The following SPRED1 variants were observed in gnomAD, a reference collection of about 807,000 sequenced individuals.
SPRED1 encodes the protein sprouty-related, EVH1 domain-containing protein 1.
In SPRED1, 18 loss-of-function variants were observed where a neutral mutation model predicts 52.3. The observed-to-expected ratio is 0.34, with a 90% confidence interval of 0.24 to 0.51. SPRED1 has a LOEUF of 0.51. Among genes scored for constraint, SPRED1 ranks in the 20% least tolerant of loss-of-function variants. SPRED1 has a pLI of 0.97. For missense variants in SPRED1, 485 were observed against 551.0 expected, an observed-to-expected ratio of 0.88 and a Z score of 1.20; for synonymous variants, 155 against 179.7, an observed-to-expected ratio of 0.86 and a Z score of 1.10.
intron 2 of SPRED1, among the ~76,000 whole-genome samples, chr15:38,309,146 T>A (rs1037112047): frequency 1.3e-5 from 2 of 152,176 alleles, no homozygotes; most frequent in African/African-American, 4.8e-5. Flanking sequence ...CCCATTTTCT[T>A]ATTGGATTGT....
intron 1 of SPRED1, among the ~76,000 whole-genome samples, chr15:38,297,883 G>A (rs1483361534): frequency 6.6e-6 from 1 of 152,150 alleles, no homozygotes; most frequent in Non-Finnish European, 1.5e-5. Flanking sequence ...AAGCCATACA[G>A]ATAGTAAGTT....
Position 38,310,153 on chromosome 15 carries a change from G to T in SPRED1, c.207+10606G>T, listed in dbSNP as rs12324228. 5.9e-3 allele frequency among the ~76,000 whole-genome samples: 782 copies of T among 132,204 alleles called. 13 individuals are homozygous for T. The highest frequency in any genetic ancestry group is 9.6e-3 in the Admixed American group (122 of 12,766). The allele number at this position is 132,204 out of a possible 152,430, so 86.7% of individuals were successfully genotyped here. On this transcript the variant is annotated intron_variant, in intron 2 of 6. Coordinates refer to ENST00000299084, the MANE Select transcript of SPRED1 (RefSeq NM_152594.3). ...TGTGTGTGTGTGTGTGTGTGTGTGTGTTTGGAGACGAAGTTTCGCTCTTGT... is the reference window on the plus strand; with the variant it reads ...TGTGTGTGTGTGTGTGTGTGTGTGTTTTTGGAGACGAAGTTTCGCTCTTGT...
intron 1 of SPRED1, among the ~76,000 whole-genome samples, chr15:38,283,734 C>T (rs1304110191): frequency 2.0e-5 from 3 of 152,030 alleles, no homozygotes; most frequent in Non-Finnish European, 2.9e-5. Context: ...TGATCTTGTG[C>T]GAATCACTTA....
In SPRED1 at chr15:38,351,900, G is replaced by T; in HGVS notation, c.*236G>T. The T allele has an allele frequency of 3.4e-6, 2 of 587,396 alleles. No individual in the cohort carries two copies. Among genetic ancestry groups the T allele is most frequent in the Non-Finnish European group, 6.0e-6 (2 of 333,782 alleles). 36.4% of individuals were successfully genotyped at this position (587,396 alleles called of 1,614,324 possible). A position where few individuals can be genotyped will look rare whatever the true frequency, so the allele number is the denominator to read the frequency against. On this transcript the variant is annotated 3_prime_UTR_variant, in exon 7 of 7. Transcript: ENST00000299084. The stretch of plus-strand genomic sequence containing the variant: ...TATTTGCAGAAGGAAACCATTTCTG[G>T]TTATTTGGCTATAAAAAGTCAGCAT...
intron 4 of SPRED1, among the ~76,000 whole-genome samples, chr15:38,337,603 TA>T (rs1895947100): frequency 6.6e-6 from 1 of 152,126 alleles, no homozygotes; most frequent in South Asian, 2.1e-4. Flanking sequence ...ATATTTTCTT[TA>T]AAAAAGTATT....
intron 1 of SPRED1, among the ~76,000 whole-genome samples, chr15:38,273,342 C>G (rs941495859): frequency 3.9e-5 from 6 of 151,936 alleles, no homozygotes; most frequent in African/African-American, 1.4e-4. Flanking sequence ...GTCTTGTGAT[C>G]TAAGTAGCTA....
intron 1 of SPRED1, among the ~76,000 whole-genome samples, chr15:38,273,932 G>A (rs773320196): frequency 6.6e-5 from 10 of 152,140 alleles, no homozygotes; most frequent in South Asian, 2.1e-4. Flanking sequence ...GACAAGAAAT[G>A]ACAGACAAGC....
chr15:38,296,887 A>C (rs1338956036), intron 1 of SPRED1, among the ~76,000 whole-genome samples: 1 of 152,168 alleles, frequency 6.6e-6, no homozygotes, highest in Non-Finnish European at 1.5e-5. Context: ...CATGAAAGTA[A>C]GAGTTCTACC....
At chr15:38,285,047 T>A (rs574605513) in intron 1 of SPRED1, among the ~76,000 whole-genome samples, 1 of 151,814 alleles carries the variant, frequency 6.6e-6, no homozygotes, top group Non-Finnish European at 1.5e-5. Flanking sequence ...ACTAGATCTA[T>A]TTTTTTTAAA....
At chr15:38,348,416 CTG>C (rs3075338) in intron 5 of SPRED1, among the ~76,000 whole-genome samples, 11,997 of 148,364 alleles carry the variant, frequency 0.081, 680 homozygotes, top group African/African-American at 0.17. Context: ...TTTTAAAGAT[CTG>C]TGTGTGTGTG....
At position 38,352,624 on chromosome 15, in the gene SPRED1, A is replaced by G. The variant is rs1000259834; in HGVS notation, c.*960A>G. The G allele has an allele frequency of 6.6e-6, 1 of 152,584 alleles. No individual in the cohort carries two copies. Among genetic ancestry groups the G allele is most frequent in the East Asian group, 1.9e-4 (1 of 5,192 alleles). The allele number at this position is 152,584 out of a possible 1,614,324, so 9.5% of individuals were successfully genotyped here. Reference sequence around the variant, plus strand: ...TCAGAGTTTCCTCCTTCAAAAAGTTATATTGCATTTACAAATGTTTTACAA... The same window carrying G: ...TCAGAGTTTCCTCCTTCAAAAAGTTGTATTGCATTTACAAATGTTTTACAA... On this transcript the variant is annotated 3_prime_UTR_variant, in exon 7 of 7. Transcript: ENST00000299084.
At chr15:38,259,096 G>A (rs370501707) in intron 1 of SPRED1, among the ~76,000 whole-genome samples, 103 of 152,266 alleles carry the variant, frequency 6.8e-4, no homozygotes, top group African/African-American at 2.4e-3. Flanking sequence ...AGTAGAAGTG[G>A]TAGGAAGATT....
chr15:38,323,746 C>T (rs1895650735), intron 3 of SPRED1, among the ~76,000 whole-genome samples: 1 of 152,072 alleles, frequency 6.6e-6, no homozygotes, highest in South Asian at 2.1e-4. Flanking sequence ...TGATTCTAAC[C>T]TTTAGCCAGG....
chr15:38,338,038 TAAAAAAAAAAA>T (rs66632536), intron 4 of SPRED1, among the ~76,000 whole-genome samples: 3 of 88,912 alleles, frequency 3.4e-5, no homozygotes, highest in African/African-American at 1.3e-4. Flanking sequence ...CCATTGCTAC[TAAAAAAAAAAA>T]AAAAAAAAAA....
chr15:38,305,955 C>A (rs536160905), intron 2 of SPRED1, among the ~76,000 whole-genome samples: 1 of 151,828 alleles, frequency 6.6e-6, no homozygotes, highest in East Asian at 1.9e-4. Context: ...TAATCTCTAC[C>A]CCTCTCATAT....
chr15:38,255,307 A>G (rs951148863), intron 1 of SPRED1, among the ~76,000 whole-genome samples: 1 of 152,162 alleles, frequency 6.6e-6, no homozygotes, highest in African/African-American at 2.4e-5. Flanking sequence ...TGTACTTAGT[A>G]TGGGACAACT....
At chr15:38,298,011 A>T (rs562883796) in intron 1 of SPRED1, among the ~76,000 whole-genome samples, 1 of 152,348 alleles carries the variant, frequency 6.6e-6, no homozygotes, top group Admixed American at 6.5e-5. Context: ...AATATATTTT[A>T]AAAAACACTT....
intron 2 of SPRED1, among the ~76,000 whole-genome samples, chr15:38,313,730 A>G (rs1895415373): frequency 6.6e-6 from 1 of 151,716 alleles, no homozygotes; most frequent in Non-Finnish European, 1.5e-5. Flanking sequence ...AAATGAATTC[A>G]TACTCTTTAT....
intron 5 of SPRED1, among the ~76,000 whole-genome samples, chr15:38,343,812 C>T (rs1457340277): frequency 6.6e-6 from 1 of 152,036 alleles, no homozygotes; most frequent in Non-Finnish European, 1.5e-5. Flanking sequence ...GTTTTAAGTG[C>T]TTTACTTATA....
Sources: gnomAD v4.1 joint callset for allele counts (sites outside exome capture counted in the v4.1 genomes callset) on GRCh38, gnomAD v4.1.1 for gene constraint, MANE v1.5 for transcripts, NCBI Gene and HGNC (gene_info 2026-07-23, HGNC 2026-07-21) for gene names.